The following SEPTIN9 variants were observed in gnomAD, a reference collection of about 807,000 sequenced individuals.
SEPTIN9 encodes the protein septin 9, also known as septin-9.
SEPTIN9 carries 13 observed loss-of-function variants against 56.6 expected under a neutral mutation model. The ratio of observed to expected loss-of-function variants is 0.23; its 90% CI spans 0.15 to 0.37. SEPTIN9 has a LOEUF of 0.37. Ranked by LOEUF, SEPTIN9 falls within the 10% of genes least tolerant of loss-of-function variation. SEPTIN9 has a pLI of 1.00. For missense variants in SEPTIN9, 650 were observed against 823.1 expected (o/e 0.79, Z 2.57); for synonymous variants, 332 against 334.1 (o/e 0.99, Z 0.07).
rs1282501636 is a variant in SEPTIN9 at position 77,288,242 on chromosome 17, C to A, written c.19+6688C>A. ...GCATTGCTCTCTTTCCGGCTCCTCCCAGGCTGCTTAAATGACCTGTGACGA... is the reference window on the plus strand; with the variant it reads ...GCATTGCTCTCTTTCCGGCTCCTCCAAGGCTGCTTAAATGACCTGTGACGA... On this transcript the variant is annotated intron_variant, in intron 1 of 11. Transcript: ENST00000427177. The A allele has an allele frequency of 7.7e-6, 8 of 1,033,036 alleles. No homozygotes were observed. The South Asian group carries it at 2.3e-4, about 30-fold the overall frequency. 64.0% of individuals were successfully genotyped at this position (1,033,036 alleles called of 1,614,324 possible). A position where few individuals can be genotyped will look rare whatever the true frequency, so the allele number is the denominator to read the frequency against.
intron 1 of SEPTIN9, among the ~76,000 whole-genome samples, chr17:77,294,121 AAC>A (rs1156341142): frequency 9.1e-5 from 13 of 142,554 alleles, no homozygotes; most frequent in East Asian, 4.1e-4. Context: ...AAAAAAAAAC[AAC>A]AAAAAAAAAC....
At chr17:77,384,869 ACAC>A in intron 2 of SEPTIN9, among the ~76,000 whole-genome samples, 2 of 151,384 alleles carry the variant, frequency 1.3e-5, no homozygotes, top group Non-Finnish European at 2.9e-5. Context: ...ACACACACAC[ACAC>A]ACACACACAC....
intron 2 of SEPTIN9, chr17:77,377,293 C>G (rs1299989573): frequency 6.6e-6 from 1 of 152,210 alleles, no homozygotes; most frequent in Non-Finnish European, 1.5e-5. Context: ...TTTCCTCTTT[C>G]TCCCTTCTGG....
Position 77,402,706 on chromosome 17 carries a change from G to T in SEPTIN9, c.721+3G>T. 6.3e-7 allele frequency: 1 copy of T among 1,576,808 alleles called. No individual in the cohort carries two copies. Among genetic ancestry groups the T allele is most frequent in the East Asian group, 2.2e-5 (1 of 44,498 alleles). ...GGCTACACCCCGGAGCCAGGAGGGT[G>T]AGTCGCAGAGCGCTAGGTCTTGGAT... On this transcript the variant is annotated splice_donor_region_variant and intron_variant, in intron 3 of 11. Coordinates refer to ENST00000427177, the MANE Select transcript of SEPTIN9 (RefSeq NM_001113491.2). This position sits in a 1 kb window ranked among gnomAD's most constrained non-coding sequence, Gnocchi z 6.6.
intron 2 of SEPTIN9, among the ~76,000 whole-genome samples, chr17:77,344,969 CAAAAAAAAAA>C (rs35165946): frequency 5.9e-5 from 4 of 67,958 alleles, no homozygotes; most frequent in African/African-American, 2.0e-4. Flanking sequence ...AAGACTGCCT[CAAAAAAAAAA>C]AAAAAAAAAA....
chr17:77,440,082 C>T (rs577772058), intron 3 of SEPTIN9, among the ~76,000 whole-genome samples: 1 of 152,326 alleles, frequency 6.6e-6, no homozygotes, highest in Non-Finnish European at 1.5e-5. Context: ...GGGGAGTCCT[C>T]CAGTTCCCAT....
At chr17:77,305,411 C>T (rs1598493011) in intron 1 of SEPTIN9, among the ~76,000 whole-genome samples, 1 of 152,066 alleles carries the variant, frequency 6.6e-6, no homozygotes, top group African/African-American at 2.4e-5. Context: ...GTCAGACCCT[C>T]GCAAGCAGAA....
At chr17:77,448,404 A>G (rs2037830311) in intron 3 of SEPTIN9, among the ~76,000 whole-genome samples, 1 of 151,728 alleles carries the variant, frequency 6.6e-6, no homozygotes, top group South Asian at 2.1e-4. Flanking sequence ...TGAACTCAGG[A>G]GACGGAGGTT....
chr17:77,475,972 AG>A lies in SEPTIN9; in HGVS notation c.722-6168del, dbSNP rs779364510. On this transcript the variant is annotated intron_variant, in intron 3 of 11. Transcript: ENST00000427177. This position sits in a 1 kb window ranked among gnomAD's most constrained non-coding sequence, Gnocchi z 4.6. ...GGTGTGGGTTGGGTTTGGGGAAGAC[AG>A]GGGAATGGCATTGACTTGACCCTGA... The A allele has an allele frequency of 6.7e-5, 102 of 1,511,678 alleles. No homozygotes were observed. The highest frequency in any genetic ancestry group is 9.1e-5 in the Non-Finnish European group (101 of 1,107,660). 93.6% of individuals were successfully genotyped at this position (1,511,678 alleles called of 1,614,324 possible).
rs191466023 is a variant in SEPTIN9 at position 77,469,262 on chromosome 17, C to T, written c.722-12882C>T. Reference sequence around the variant, plus strand: ...CCAGGACTGACTCCGTGGGTGAGGGCGGAGGAGGAGACGGCAGAGGCTGAG... The same window carrying T: ...CCAGGACTGACTCCGTGGGTGAGGGTGGAGGAGGAGACGGCAGAGGCTGAG... On this transcript the variant is annotated intron_variant, in intron 3 of 11. Coordinates refer to ENST00000427177, the MANE Select transcript of SEPTIN9 (RefSeq NM_001113491.2). The T allele has an allele frequency of 2.4e-3, 364 of 152,862 alleles. 12 individuals carry two copies. The South Asian group carries it at 0.059, about 25-fold the overall frequency. 9.5% of individuals were successfully genotyped at this position (152,862 alleles called of 1,614,324 possible).
intron 3 of SEPTIN9, among the ~76,000 whole-genome samples, chr17:77,463,656 A>C (rs1468867993): frequency 6.6e-6 from 1 of 152,122 alleles, no homozygotes; most frequent in Admixed American, 6.6e-5. Context: ...CAGCCTGGCC[A>C]ACATGGTGAA....
At chr17:77,377,700 G>A (rs377251038) in intron 2 of SEPTIN9, among the ~76,000 whole-genome samples, 4 of 152,142 alleles carry the variant, frequency 2.6e-5, no homozygotes, top group African/African-American at 4.8e-5. Flanking sequence ...CAACACCTCC[G>A]GGACGTGGGA....
At chr17:77,493,285 T>G in intron 10 of SEPTIN9, 1 of 562,314 alleles carries the variant, frequency 1.8e-6, no homozygotes, top group Non-Finnish European at 3.2e-6. Flanking sequence ...ACCCCAGACC[T>G]CCCCCCGGGC....
rs554761440 is a variant in SEPTIN9, at chr17:77,327,414, C to G, written c.76+20217C>G. Among the ~76,000 whole-genome samples the G allele has an allele frequency of 3.3e-5, 5 of 152,320 alleles. No individual in the cohort carries two copies. In the South Asian group the frequency reaches 1.0e-3, roughly 32 times the overall value. On this transcript the variant is annotated intron_variant, in intron 2 of 11. Transcript: ENST00000427177. The surrounding 1 kb of genome is among the most constrained non-coding windows in gnomAD (Gnocchi z 5.0). ...CCCATGCATCCCGCACGGTGCTCCCCAGGGTCTCCCACTGGCAAGGGCATT... is the reference window on the plus strand; with the variant it reads ...CCCATGCATCCCGCACGGTGCTCCCGAGGGTCTCCCACTGGCAAGGGCATT...
Position 77,295,055 on chromosome 17 carries a change from G to GC in SEPTIN9, c.20-12081dup, listed in dbSNP as rs528904718. Among the ~76,000 whole-genome samples, 682 of 152,276 alleles carry GC rather than the reference G, an allele frequency of 4.5e-3. 6 individuals carry two copies. Among genetic ancestry groups the GC allele is most frequent in the African/African-American group, 0.015 (641 of 41,558 alleles). ...CCAGTTCAACTTCTCCTTAGCAGGA[G>GC]CCCCCACGTGGCAGCAAGCCTCCGT... On this transcript the variant is annotated intron_variant, in intron 1 of 11. Transcript: ENST00000427177.
chr17:77,458,345 C>T (rs2038307963), intron 3 of SEPTIN9, among the ~76,000 whole-genome samples: 1 of 152,214 alleles, frequency 6.6e-6, no homozygotes, highest in Non-Finnish European at 1.5e-5. Context: ...GGAGGCCCCT[C>T]CCTGCCTTGT....
In SEPTIN9 at chr17:77,429,218, G is replaced by A. The variant is rs941159406; in HGVS notation, c.721+26515G>A. ...CTGAGGCTGAGGCCACCTTGGTGAGGAGGAAATTGCAGGTGGAGAAGCTCG... is the reference window on the plus strand; with the variant it reads ...CTGAGGCTGAGGCCACCTTGGTGAGAAGGAAATTGCAGGTGGAGAAGCTCG... On this transcript the variant is annotated intron_variant, in intron 3 of 11. Coordinates refer to ENST00000427177, the MANE Select transcript of SEPTIN9 (RefSeq NM_001113491.2). The surrounding 1 kb of genome is among the most constrained non-coding windows in gnomAD (Gnocchi z 5.2). 3.6e-5 allele frequency: 17 copies of A among 471,426 alleles called. No individual in the cohort carries two copies. Among genetic ancestry groups the A allele is most frequent in the African/African-American group, 2.2e-4 (11 of 50,098 alleles). The allele number at this position is 471,426 out of a possible 1,614,324, so 29.2% of individuals were successfully genotyped here. A position where few individuals can be genotyped will look rare whatever the true frequency, so the allele number is the denominator to read the frequency against.
intron 2 of SEPTIN9, chr17:77,373,360 C>T: frequency 3.3e-6 from 4 of 1,203,142 alleles, no homozygotes; most frequent in South Asian, 3.8e-5. Flanking sequence ...AGCCAGGGGG[C>T]CTAGGGGCTC....
intron 6 of SEPTIN9, among the ~76,000 whole-genome samples, 195 bp downstream of exon 6, chr17:77,488,516 C>T (rs943119572): frequency 1.3e-5 from 2 of 152,206 alleles, no homozygotes; most frequent in Non-Finnish European, 1.5e-5. Context: ...GGGAATCTTG[C>T]TGTCCCCAAC....
Sources: allele counts gnomAD v4.1 joint callset (sites outside exome capture counted in the v4.1 genomes callset), GRCh38; gene constraint gnomAD v4.1.1; non-coding constraint Gnocchi (gnomAD v3.1); transcripts MANE v1.5; gene names NCBI Gene and HGNC (gene_info 2026-07-23, HGNC 2026-07-21).